Variants in MCTP1 observed in about 807,000 individuals in gnomAD.
MCTP1 encodes multiple C2 and transmembrane domain containing 1, also known as multiple C2 and transmembrane domain-containing protein 1.
Under a neutral mutation model 120.6 loss-of-function variants are expected in MCTP1, and 69 were observed. The ratio of observed to expected loss-of-function variants is 0.57; its 90% confidence interval spans 0.47 to 0.70. MCTP1 has a LOEUF of 0.70. MCTP1 is among the 30% of genes least tolerant of loss of function. The probability of loss-of-function intolerance (pLI) is 0.00; values close to 1 mark genes in which losing one functional copy is unlikely to be tolerated. For missense variants in MCTP1, 1,203 were observed against 1,248.8 expected (o/e 0.96, Z 0.55); for synonymous variants, 529 against 493.1 (o/e 1.07, Z -0.96).
chr5:95,208,821 T>G (rs937844112), intron 1 of MCTP1, among the ~76,000 whole-genome samples: 7 of 152,184 alleles, frequency 4.6e-5, no homozygotes, highest in African/African-American at 1.7e-4. Context: ...AATCACCTTC[T>G]TGAAAGTCAC....
At chr5:95,174,454 A>G (rs565850481) in intron 1 of MCTP1, among the ~76,000 whole-genome samples, 2 of 152,370 alleles carry the variant, frequency 1.3e-5, no homozygotes, top group African/African-American at 4.8e-5. Flanking sequence ...GTTAAAAGTT[A>G]TAAGAACAAG....
At chr5:95,124,928 A>G (rs555636611) in intron 1 of MCTP1, among the ~76,000 whole-genome samples, 1 of 152,362 alleles carries the variant, frequency 6.6e-6, no homozygotes, top group African/African-American at 2.4e-5. Context: ...TTATCTGGAC[A>G]TCAAAGATAC....
At chr5:95,065,955 T>C (rs527336277) in intron 1 of MCTP1, among the ~76,000 whole-genome samples, 5 of 152,144 alleles carry the variant, frequency 3.3e-5, no homozygotes, top group Non-Finnish European at 7.4e-5. Context: ...TGTGGGCAAG[T>C]GTTTTTTGGA....
intron 1 of MCTP1, among the ~76,000 whole-genome samples, chr5:95,065,478 A>G (rs1750415958): frequency 6.6e-6 from 1 of 152,180 alleles, no homozygotes; most frequent in South Asian, 2.1e-4. Flanking sequence ...CAATTAATGT[A>G]ACTCATCAAT....
intron 19 of MCTP1, among the ~76,000 whole-genome samples, chr5:94,717,145 A>G (rs1269322554): frequency 6.6e-6 from 1 of 152,208 alleles, no homozygotes; most frequent in African/African-American, 2.4e-5. Context: ...TACATTCCAT[A>G]TTAATGTTAA....
At chr5:94,921,516 C>T (rs1811659612) in intron 7 of MCTP1, among the ~76,000 whole-genome samples, 1 of 152,206 alleles carries the variant, frequency 6.6e-6, no homozygotes, top group Non-Finnish European at 1.5e-5. Flanking sequence ...CACATGTATA[C>T]TCTTCATGAA....
At chr5:94,977,054 T>G (rs549535910) in intron 2 of MCTP1, among the ~76,000 whole-genome samples, 18 of 152,132 alleles carry the variant, frequency 1.2e-4, no homozygotes, top group Non-Finnish European at 1.9e-4. Context: ...GCAGATGATG[T>G]CATCTTACAC....
chr5:95,022,188 G>C (rs1838324548), intron 1 of MCTP1, among the ~76,000 whole-genome samples: 1 of 152,080 alleles, frequency 6.6e-6, no homozygotes, highest in Non-Finnish European at 1.5e-5. Context: ...TGATATATTA[G>C]GTTGGTGCAA....
intron 3 of MCTP1, among the ~76,000 whole-genome samples, chr5:94,952,094 A>G (rs1292446842): frequency 6.7e-6 from 1 of 148,248 alleles, no homozygotes; most frequent in Non-Finnish European, 1.5e-5. Context: ...ATGGCTTGAA[A>G]CCAAGAGATG....
chr5:94,815,205 C>A (rs1163890507), intron 17 of MCTP1, among the ~76,000 whole-genome samples: 1 of 152,200 alleles, frequency 6.6e-6, no homozygotes, highest in East Asian at 1.9e-4. Flanking sequence ...CCACTTCCAA[C>A]TGTTTTTATG....
chr5:95,235,633 T>C (rs1373329678), intron 1 of MCTP1, among the ~76,000 whole-genome samples: 1 of 152,180 alleles, frequency 6.6e-6, no homozygotes, highest in Non-Finnish European at 1.5e-5. Context: ...AAAAAGTGTA[T>C]TGTGCAATAA....
At chr5:95,264,753 A>G (rs1182677609) in intron 1 of MCTP1, among the ~76,000 whole-genome samples, 2 of 152,210 alleles carry the variant, frequency 1.3e-5, no homozygotes, top group East Asian at 3.9e-4. Flanking sequence ...ACTGCCAAGC[A>G]TGGTCTTTCC....
chr5:94,749,418 G>A (rs1255966643), intron 19 of MCTP1, among the ~76,000 whole-genome samples: 1 of 152,072 alleles, frequency 6.6e-6, no homozygotes, highest in African/African-American at 2.4e-5. Flanking sequence ...ACTTTGGGGG[G>A]CCAAGGTAGA....
At chr5:94,791,837 T>C (rs528682164) in intron 18 of MCTP1, 2 of 152,432 alleles carry the variant, frequency 1.3e-5, no homozygotes, top group African/African-American at 4.8e-5. Context: ...AGACCCACTA[T>C]CTTTGAAGGT....
intron 19 of MCTP1, among the ~76,000 whole-genome samples, chr5:94,716,862 G>A (rs1759586956): frequency 6.6e-6 from 1 of 151,758 alleles, no homozygotes; most frequent in African/African-American, 2.4e-5. Context: ...AAAGTTTGTT[G>A]GACAAATAGG....
At chr5:95,009,831 A>G (rs1389148547) in intron 2 of MCTP1, among the ~76,000 whole-genome samples, 1 of 152,192 alleles carries the variant, frequency 6.6e-6, no homozygotes, top group East Asian at 1.9e-4. Flanking sequence ...TAAAACTCAG[A>G]AAAAGGCAGT....
At chr5:95,188,713 G>A (rs1749506002) in intron 1 of MCTP1, among the ~76,000 whole-genome samples, 1 of 152,116 alleles carries the variant, frequency 6.6e-6, no homozygotes, top group Admixed American at 6.6e-5. Flanking sequence ...TTATTAAAGG[G>A]CAATGCGGGA....
At chr5:94,758,326 G>A (rs1246770465) in intron 19 of MCTP1, among the ~76,000 whole-genome samples, 1 of 152,092 alleles carries the variant, frequency 6.6e-6, no homozygotes, top group East Asian at 1.9e-4. Context: ...GGATGTGGTG[G>A]CACATGCCTA....
chr5:95,059,544 T>C (rs1223062764), intron 1 of MCTP1, among the ~76,000 whole-genome samples: 1 of 151,552 alleles, frequency 6.6e-6, no homozygotes, highest in Non-Finnish European at 1.5e-5. Context: ...AACCTGCACA[T>C]GCACCCCTGA....
Sources: gnomAD v4.1 joint callset for allele counts (sites outside exome capture counted in the v4.1 genomes callset) on GRCh38, gnomAD v4.1.1 for gene constraint, MANE v1.5 for transcripts, NCBI Gene and HGNC (gene_info 2026-07-23, HGNC 2026-07-21) for gene names.